TRAP1: variants seen among roughly 807,000 people sequenced by gnomAD.
The protein encoded by TRAP1 is TNF receptor associated protein 1.
Under a neutral mutation model 89.1 loss-of-function variants are expected in TRAP1, and 102 were observed. That is an observed-to-expected ratio of 1.15 (90% CI 0.98 to 1.35). TRAP1 has a LOEUF of 1.35. Among genes scored for constraint, TRAP1 ranks in the 40% most tolerant of loss-of-function variants. TRAP1 has a pLI of 0.00. For missense variants in TRAP1, 1,256 were observed against 945.3 expected (o/e 1.33, Z -4.31); for synonymous variants, 508 against 388.0 (o/e 1.31, Z -3.64).
intron 16 of TRAP1, chr16:3,659,877 G>C (rs891121450): frequency 6.6e-6 from 1 of 152,032 alleles, no homozygotes; most frequent in Non-Finnish European, 1.5e-5. Context: ...AGCCTCCCAA[G>C]TAACTGGGAT....
In TRAP1 at chr16:3,658,338, G is replaced by C; in HGVS notation, c.2014-108C>G. ...TGCCGAGGCTGGAGTGCAGAGGCACGATCTCGGCTCACTGCAACCTCAGGT... is the reference window on the plus strand; with the variant it reads ...TGCCGAGGCTGGAGTGCAGAGGCACCATCTCGGCTCACTGCAACCTCAGGT... On this transcript the variant is annotated intron_variant, in intron 17 of 17. Coordinates refer to ENST00000246957, the MANE Select transcript of TRAP1 (RefSeq NM_016292.3). 9.1e-6 allele frequency: 8 copies of C among 882,866 alleles called. No individual in the cohort carries two copies. In the South Asian group the frequency reaches 1.1e-4, roughly 12 times the overall value. The allele number at this position is 882,866 out of a possible 1,614,324, so 54.7% of individuals were successfully genotyped here.
chr16:3,690,774 G>A (rs945256778), intron 2 of TRAP1, 53 bp downstream of exon 2: 13 of 1,337,152 alleles, frequency 9.7e-6, no homozygotes, highest in African/African-American at 6.0e-5. Flanking sequence ...GCCCCTTTAC[G>A]CACAGCAGTG....
intron 14 of TRAP1, 113 bp downstream of exon 14, chr16:3,663,311 T>C: frequency 2.1e-6 from 3 of 1,410,792 alleles, no homozygotes; most frequent in Non-Finnish European, 2.9e-6. Context: ...TTCTCGGGGG[T>C]GGCTGAGCCC....
intron 16 of TRAP1, 92 bp downstream of exon 16, chr16:3,661,895 T>C (rs909321688): frequency 6.9e-7 from 1 of 1,459,168 alleles, no homozygotes; most frequent in Non-Finnish European, 9.1e-7. Context: ...CTCACGCACT[T>C]TTCTTCTGTG....
intron 1 of TRAP1, among the ~76,000 whole-genome samples, chr16:3,704,772 G>A (rs2151280557): frequency 1.3e-5 from 2 of 151,864 alleles, no homozygotes; most frequent in Middle Eastern, 3.4e-3. Flanking sequence ...CCAGTGCTTT[G>A]GAAGGCCAAG....
rs369748574 is a variant in TRAP1 at position 3,664,770 on chromosome 16, C to T, written c.1384-311G>A. On this transcript the variant is annotated intron_variant, in intron 12 of 17. Transcript: ENST00000246957. ...ACAGCAGAGCCCGGCCTGGACCCAG[C>T]GTCTTCCCTCTGCCCTCAGTGACAG... The T allele has an allele frequency of 6.2e-4, 201 of 322,886 alleles. 6 individuals carry two copies. The South Asian group carries it at 7.3e-3, about 12-fold the overall frequency. The allele number at this position is 322,886 out of a possible 1,614,324, so 20.0% of individuals were successfully genotyped here.
At chr16:3,677,313 G>C (rs1484637059) in intron 6 of TRAP1, among the ~76,000 whole-genome samples, 185 bp downstream of exon 6, 3 of 152,126 alleles carry the variant, frequency 2.0e-5, no homozygotes, top group African/African-American at 7.2e-5. Flanking sequence ...CATGGGACCA[G>C]ACAGGTGCCA....
At chr16:3,684,651 A>G (rs1401539221) in intron 4 of TRAP1, among the ~76,000 whole-genome samples, 1 of 152,124 alleles carries the variant, frequency 6.6e-6, no homozygotes, top group Non-Finnish European at 1.5e-5. Context: ...TTAGTTGGGC[A>G]TCATGGCACA....
chr16:3,660,836 ATTGT>A (rs1345151189), intron 16 of TRAP1: 1 of 152,204 alleles, frequency 6.6e-6, no homozygotes, highest in Non-Finnish European at 1.5e-5. Flanking sequence ...AGGCAGGTGG[ATTGT>A]TTGAGGCCAG....
intron 17 of TRAP1, chr16:3,658,439 A>G (rs2042852801): frequency 1.7e-6 from 1 of 598,958 alleles, no homozygotes; most frequent in Non-Finnish European, 2.9e-6. Flanking sequence ...TTTTTAAAAC[A>G]GAATTTGGCT....
intron 1 of TRAP1, among the ~76,000 whole-genome samples, chr16:3,694,825 C>G (rs1056979351): frequency 1.3e-5 from 2 of 152,214 alleles, no homozygotes; most frequent in South Asian, 2.1e-4. Context: ...TATTAAACTC[C>G]CCGTGGCACA....
intron 16 of TRAP1, chr16:3,661,021 T>C (rs2043045352): frequency 6.6e-6 from 1 of 152,206 alleles, no homozygotes. Context: ...GTAACATGTT[T>C]ATGTAACTTC....
chr16:3,668,559 C>G (rs1296243417), intron 11 of TRAP1, among the ~76,000 whole-genome samples: 1 of 152,168 alleles, frequency 6.6e-6, no homozygotes, highest in Non-Finnish European at 1.5e-5. Flanking sequence ...TTCTTGGTAC[C>G]ATGCTTCCAA....
chr16:3,685,336 A>C (rs1003039504), intron 4 of TRAP1, among the ~76,000 whole-genome samples: 1 of 152,160 alleles, frequency 6.6e-6, no homozygotes. Context: ...CCTTTAATTA[A>C]AACAGCCATC....
At chr16:3,662,643 C>T (rs966743357) in intron 15 of TRAP1, 5 of 676,120 alleles carry the variant, frequency 7.4e-6, no homozygotes, top group African/African-American at 7.1e-5. Flanking sequence ...GCTGGTTTTT[C>T]AGTTCTCAGT....
chr16:3,717,262 G>T (rs1482914932), intron 1 of TRAP1, among the ~76,000 whole-genome samples, 159 bp downstream of exon 1: 2 of 152,226 alleles, frequency 1.3e-5, no homozygotes, highest in Non-Finnish European at 2.9e-5. Flanking sequence ...AGCTGGCGAG[G>T]AGCGGAGCGA....
Position 3,661,345 on chromosome 16 carries a change from C to T in TRAP1, c.1940+642G>A, listed in dbSNP as rs1035132226. ...GCATATAAAGAACAACAGGAAGAAACGAGGGAAATCTTACGGCTCAGCCAC... is the reference window on the plus strand; with the variant it reads ...GCATATAAAGAACAACAGGAAGAAATGAGGGAAATCTTACGGCTCAGCCAC... On this transcript the variant is annotated intron_variant, in intron 16 of 17. Coordinates refer to ENST00000246957, the MANE Select transcript of TRAP1 (RefSeq NM_016292.3). The T allele has an allele frequency of 4.0e-5, 6 of 151,856 alleles. No homozygotes were observed. In the East Asian group the frequency reaches 5.8e-4, roughly 15 times the overall value. The allele number at this position is 151,856 out of a possible 1,614,324, so 9.4% of individuals were successfully genotyped here. A position where few individuals can be genotyped will look rare whatever the true frequency, so the allele number is the denominator to read the frequency against.
chr16:3,662,114 T>C lies in TRAP1; in HGVS notation c.1813A>G (p.Thr605Ala). The C allele has an allele frequency of 1.2e-6, 2 of 1,612,380 alleles. No individual in the cohort carries two copies. Among genetic ancestry groups the C allele is most frequent in the South Asian group, 2.2e-5 (2 of 90,984 alleles). The change falls in exon 16 of 18, where the codon ACC (threonine) becomes GCC (alanine). Residue 605 changes from threonine (T) to alanine (A), a missense_variant. Thr to Ala is a moderately conservative substitution (Grantham distance 58). Coordinates refer to ENST00000246957, the MANE Select transcript of TRAP1 (RefSeq NM_016292.3). Reference sequence around the variant, plus strand: ...AGCACGGTGACCATGGCAGGGTGGGTGTCCAGTCGGAGGGTCACCTGTGAG... The same window carrying C: ...AGCACGGTGACCATGGCAGGGTGGGCGTCCAGTCGGAGGGTCACCTGTGAG... ...TNVKVTLRLD[T>A]HPAMVTVLEM...
rs2791 is a variant in TRAP1, at chr16:3,658,169, C to T, written c.2075G>A (p.Arg692His). The T allele has an allele frequency of 0.036, 57,502 of 1,613,862 alleles. 1,218 individuals are homozygous for T. The highest frequency in any genetic ancestry group is 0.041 in the Non-Finnish European group (48,444 of 1,179,818). The change falls in exon 18 of 18, where the codon CGC becomes CAC. Residue 692 changes from arginine to histidine, a missense_variant. Physicochemically the swap from Arg to His is conservative, Grantham distance 29 (BLOSUM62 0). Transcript: ENST00000246957. ...GGCCTTGACAAGCAGCTCATTCAAG[C>T]GGCCCACCATGGCCCTAGGGTCGTC... ...LVDDPRAMVG[R>H]LNELLVKALE...
Sources: gnomAD v4.1 joint callset for allele counts (sites outside exome capture counted in the v4.1 genomes callset) on GRCh38, gnomAD v4.1.1 for gene constraint, MANE v1.5 for transcripts, NCBI Gene and HGNC (gene_info 2026-07-23, HGNC 2026-07-21) for gene names.